The following ANKRD11 variants were observed in gnomAD, a reference collection of about 807,000 sequenced individuals.
ANKRD11 encodes the protein ankyrin repeat domain-containing protein 11.
In ANKRD11, 17 loss-of-function variants were observed where a neutral mutation model predicts 195.7. The observed-to-expected ratio is 0.09, with a 90% CI of 0.06 to 0.13. The LOEUF is 0.13. Ranked by LOEUF, ANKRD11 falls within the 10% of genes least tolerant of loss-of-function variation. The pLI, the probability that ANKRD11 is intolerant of heterozygous loss-of-function variation, is 1.00. For missense variants in ANKRD11, 3,735 were observed against 3,566.1 expected (o/e 1.05, Z -1.21); for synonymous variants, 1,953 against 1,528.1 (o/e 1.28, Z -6.49).
intron 1 of ANKRD11, among the ~76,000 whole-genome samples, chr16:89,468,661 C>A (rs960467589): frequency 2.0e-5 from 3 of 152,040 alleles, no homozygotes; most frequent in African/African-American, 7.3e-5. Context: ...GAGCCGAGAT[C>A]GCGCCACTGC....
chr16:89,307,065 C>T (rs137952095), intron 3 of ANKRD11, among the ~76,000 whole-genome samples: 124 of 151,016 alleles, frequency 8.2e-4, no homozygotes, highest in Non-Finnish European at 1.6e-3. Flanking sequence ...GGGGACAGTG[C>T]GACACACACA....
At chr16:89,377,558 T>C (rs968394006) in intron 2 of ANKRD11, among the ~76,000 whole-genome samples, 13 of 152,144 alleles carry the variant, frequency 8.5e-5, no homozygotes, top group African/African-American at 2.7e-4. Flanking sequence ...CCAGAGAAAT[T>C]AGAAGACAAC....
At chr16:89,367,656 AG>A (rs2040007070) in intron 2 of ANKRD11, among the ~76,000 whole-genome samples, 1 of 152,184 alleles carries the variant, frequency 6.6e-6, no homozygotes, top group African/African-American at 2.4e-5. Flanking sequence ...TCCCTTGACC[AG>A]GAAAGCTCCC....
chr16:89,340,017 T>C (rs894798766), intron 2 of ANKRD11: 1 of 152,254 alleles, frequency 6.6e-6, no homozygotes, highest in Non-Finnish European at 1.5e-5. Context: ...ACAACTGCAG[T>C]GTGCGCTCCT....
chr16:89,286,673 G>C (rs182109429), intron 7 of ANKRD11: 1 of 1,240,236 alleles, frequency 8.1e-7, no homozygotes, highest in African/African-American at 1.6e-5. Flanking sequence ...TCTGCAAGCT[G>C]CTTTATTTTT....
intron 2 of ANKRD11, among the ~76,000 whole-genome samples, chr16:89,357,598 C>G (rs2039543406): frequency 6.6e-6 from 1 of 152,220 alleles, no homozygotes; most frequent in Non-Finnish European, 1.5e-5. Context: ...CAGCATGGTT[C>G]CCAACAGCAA....
At chr16:89,365,958 G>A (rs1281181815) in intron 2 of ANKRD11, among the ~76,000 whole-genome samples, 5 of 151,988 alleles carry the variant, frequency 3.3e-5, no homozygotes, top group African/African-American at 7.3e-5. Flanking sequence ...ACAACACGCA[G>A]TATTTGGTTT....
chr16:89,483,406 T>C (rs1453460785), intron 1 of ANKRD11, among the ~76,000 whole-genome samples: 1 of 152,206 alleles, frequency 6.6e-6, no homozygotes, highest in African/African-American at 2.4e-5. Context: ...GTAAATCTCA[T>C]TGAATATGCT....
intron 1 of ANKRD11, among the ~76,000 whole-genome samples, chr16:89,436,273 G>T (rs1165858232): frequency 6.6e-6 from 1 of 151,982 alleles, no homozygotes; most frequent in Non-Finnish European, 1.5e-5. Flanking sequence ...AATGAGCTGG[G>T]CGTGATGGCT....
chr16:89,433,619 G>A (rs893281998), intron 1 of ANKRD11, among the ~76,000 whole-genome samples: 3 of 151,976 alleles, frequency 2.0e-5, no homozygotes, highest in African/African-American at 7.3e-5. Flanking sequence ...GAGAAGGAAC[G>A]GGCTTGGACG....
intron 2 of ANKRD11, 102 bp from the exon 3 acceptor site, chr16:89,317,180 C>A: frequency 1.2e-6 from 1 of 863,776 alleles, no homozygotes; most frequent in Non-Finnish European, 1.9e-6. Context: ...TCAAGGCAGG[C>A]AGCTGCTCTG....
At chr16:89,426,982 A>C (rs571786466) in intron 1 of ANKRD11, among the ~76,000 whole-genome samples, 1 of 152,330 alleles carries the variant, frequency 6.6e-6, no homozygotes, top group South Asian at 2.1e-4. Context: ...GCCAAGTAGG[A>C]ACCTCAGAAT....
At chr16:89,379,025 C>A (rs1008099027) in intron 2 of ANKRD11, among the ~76,000 whole-genome samples, 1 of 152,206 alleles carries the variant, frequency 6.6e-6, no homozygotes, top group Admixed American at 6.5e-5. Flanking sequence ...GTAGACAAGC[C>A]GGGCTGAGGC....
Position 89,274,855 on chromosome 16 carries a change from G to A in ANKRD11, c.7672C>T (p.Leu2558=). The A allele has an allele frequency of 6.2e-7, 1 of 1,612,892 alleles. No individual in the cohort carries two copies. The highest frequency in any genetic ancestry group is 1.1e-5 in the South Asian group (1 of 91,050). ...QAVPFSACTM[L]LDSEVYNMPL... is the part of the protein sequence containing the mutation. The stretch of plus-strand genomic sequence containing the variant: ...ATGTTGTAGACCTCGGAGTCCAGCA[G>A]CATCGTGCAGGCGCTGAATGGCACT... The change falls in exon 11 of 13, where the codon CTG becomes TTG. Residue 2558 remains leucine (L), a synonymous_variant. Transcript: ENST00000301030.
In ANKRD11 at chr16:89,268,345, G is replaced by A. The variant is rs2032810349; in HGVS notation, c.*133C>T. 2 of 490,714 alleles carry A rather than the reference G, an allele frequency of 4.1e-6. No individual in the cohort carries two copies. Among genetic ancestry groups the A allele is most frequent in the South Asian group, 4.1e-5 (2 of 48,654 alleles). The allele number at this position is 490,714 out of a possible 1,614,324, so 30.4% of individuals were successfully genotyped here. ...GTCTGGAAGGGATGGAGGCGCTGTG[G>A]CCAAGTGCAGTCTCTCTCGGGGTCT... On this transcript the variant is annotated 3_prime_UTR_variant, in exon 13 of 13. Transcript: ENST00000301030.
At chr16:89,390,482 C>T (rs566665332) in intron 2 of ANKRD11, among the ~76,000 whole-genome samples, 3 of 152,206 alleles carry the variant, frequency 2.0e-5, no homozygotes, top group South Asian at 4.1e-4. Context: ...GAAAAAAATA[C>T]GTGAAGGAAT....
intron 1 of ANKRD11, among the ~76,000 whole-genome samples, chr16:89,480,856 G>C (rs2152372524): frequency 6.6e-6 from 1 of 152,286 alleles, no homozygotes; most frequent in Non-Finnish European, 1.5e-5. Context: ...TCCGTCCTGG[G>C]CTGTGCCCCT....
intron 2 of ANKRD11, among the ~76,000 whole-genome samples, chr16:89,337,328 C>T (rs985493550): frequency 1.3e-5 from 2 of 151,956 alleles, no homozygotes; most frequent in Non-Finnish European, 2.9e-5. Context: ...CGTGACCAAG[C>T]CCAGCTGAGC....
intron 1 of ANKRD11, among the ~76,000 whole-genome samples, chr16:89,429,001 A>G (rs1358371894): frequency 6.6e-6 from 1 of 152,168 alleles, no homozygotes; most frequent in Non-Finnish European, 1.5e-5. Context: ...AACATCTAAG[A>G]TGCAATGAAC....
Sources: gnomAD v4.1 joint callset for allele counts (sites outside exome capture counted in the v4.1 genomes callset) on GRCh38, gnomAD v4.1.1 for gene constraint, MANE v1.5 for transcripts, NCBI Gene and HGNC (gene_info 2026-07-23, HGNC 2026-07-21) for gene names.